The following NPAS3 variants were observed in gnomAD, a reference collection of about 807,000 sequenced individuals.
The protein encoded by NPAS3 is neuronal PAS domain-containing protein 3.
In NPAS3, 14 loss-of-function variants were observed where a neutral mutation model predicts 73.1. That is an observed-to-expected ratio of 0.19 (90% CI 0.13 to 0.30). The LOEUF (loss-of-function observed/expected upper bound fraction) is 0.30, where lower values mean the gene tolerates loss of function less well. Ranked by LOEUF, NPAS3 falls within the 10% of genes least tolerant of loss-of-function variation. The pLI, the probability that NPAS3 is intolerant of heterozygous loss-of-function variation, is 1.00. For synonymous variants in NPAS3, 620 were observed against 541.5 expected (o/e 1.14, Z -2.01); for missense variants, 1,096 against 1,250.0 (o/e 0.88, Z 1.86).
intron 4 of NPAS3, among the ~76,000 whole-genome samples, chr14:33,482,053 G>GTTTTT (rs35267663): frequency 3.7e-4 from 51 of 137,580 alleles, no homozygotes; most frequent in Non-Finnish European, 6.8e-4. Context: ...TCAGAAGCAA[G>GTTTTT]TTTTTTTTTT....
chr14:33,228,567 C>T (rs553325608), intron 3 of NPAS3, among the ~76,000 whole-genome samples: 44 of 152,066 alleles, frequency 2.9e-4, no homozygotes, highest in African/African-American at 9.2e-4. Flanking sequence ...ATCAGGGATC[C>T]GAAATGGGTT....
chr14:33,208,649 A>G (rs558264704), intron 2 of NPAS3, among the ~76,000 whole-genome samples: 21 of 152,122 alleles, frequency 1.4e-4, no homozygotes, highest in Non-Finnish European at 2.6e-4. Flanking sequence ...ATTTTCCTAC[A>G]TGTGGAAAAA....
At chr14:33,252,014 T>C (rs1594513412) in intron 3 of NPAS3, among the ~76,000 whole-genome samples, 2 of 151,786 alleles carry the variant, frequency 1.3e-5, no homozygotes, top group South Asian at 4.2e-4. Context: ...TTATTACTTG[T>C]TGGGTATTAG....
At chr14:33,761,300 T>C (rs1317104062) in intron 7 of NPAS3, among the ~76,000 whole-genome samples, 1 of 152,148 alleles carries the variant, frequency 6.6e-6, no homozygotes, top group Non-Finnish European at 1.5e-5. Flanking sequence ...GGAAAGGAGT[T>C]TCTGTAGAAT....
At chr14:33,409,566 T>A (rs574441366) in intron 4 of NPAS3, among the ~76,000 whole-genome samples, 1 of 152,174 alleles carries the variant, frequency 6.6e-6, no homozygotes, top group South Asian at 2.1e-4. Flanking sequence ...ATAGTATAAT[T>A]AAGTATTTCC....
At chr14:33,565,683 A>G (rs905151945) in intron 5 of NPAS3, among the ~76,000 whole-genome samples, 8 of 152,178 alleles carry the variant, frequency 5.3e-5, no homozygotes, top group Non-Finnish European at 1.2e-4. Context: ...GCATCATGAC[A>G]TCCTAAAGAG....
At chr14:33,034,781 A>G (rs1041224544) in intron 1 of NPAS3, among the ~76,000 whole-genome samples, 1 of 152,096 alleles carries the variant, frequency 6.6e-6, no homozygotes. Flanking sequence ...CAGTGATCTC[A>G]TTTCATAAAT....
At chr14:33,420,142 C>G (rs2048312112) in intron 4 of NPAS3, among the ~76,000 whole-genome samples, 1 of 151,878 alleles carries the variant, frequency 6.6e-6, no homozygotes, top group African/African-American at 2.4e-5. Flanking sequence ...AATAATTAGC[C>G]TTCACTTTGC....
At chr14:33,169,672 CAG>C (rs2045312883) in intron 2 of NPAS3, among the ~76,000 whole-genome samples, 1 of 152,294 alleles carries the variant, frequency 6.6e-6, no homozygotes, top group African/African-American at 2.4e-5. Flanking sequence ...TGATTAATCA[CAG>C]AAATTTAAAA....
intron 4 of NPAS3, among the ~76,000 whole-genome samples, chr14:33,497,235 G>A (rs1299018611): frequency 6.6e-6 from 1 of 152,120 alleles, no homozygotes; most frequent in Admixed American, 6.6e-5. Flanking sequence ...CATGCTCGTG[G>A]ATAGGAAGAA....
At chr14:33,480,196 A>C (rs1326893721) in intron 4 of NPAS3, among the ~76,000 whole-genome samples, 3 of 152,208 alleles carry the variant, frequency 2.0e-5, no homozygotes, top group Non-Finnish European at 4.4e-5. Flanking sequence ...AACACTTCGT[A>C]ACTTTATGCA....
chr14:33,297,547 G>A (rs2042350794), intron 3 of NPAS3, among the ~76,000 whole-genome samples: 1 of 152,116 alleles, frequency 6.6e-6, no homozygotes, highest in Non-Finnish European at 1.5e-5. Flanking sequence ...CACTAAAAAT[G>A]TTGCTCAGTA....
At chr14:33,743,344 G>A (rs2061701898) in intron 7 of NPAS3, among the ~76,000 whole-genome samples, 1 of 152,198 alleles carries the variant, frequency 6.6e-6, no homozygotes, top group African/African-American at 2.4e-5. Flanking sequence ...GTTGCCATTA[G>A]AGTTCTTGGA....
intron 4 of NPAS3, among the ~76,000 whole-genome samples, chr14:33,373,542 T>A (rs190249764): frequency 1.3e-5 from 2 of 152,102 alleles, no homozygotes; most frequent in Non-Finnish European, 2.9e-5. Flanking sequence ...TGGATAAGTA[T>A]AATAAGTACC....
In NPAS3 at chr14:33,237,804, C is replaced by T. The variant is rs532807146; in HGVS notation, c.385+22378C>T. The stretch of plus-strand genomic sequence containing the variant: ...ATAGAACTTAATGCACAGGTATTTA[C>T]ATAAAGAAGATAAGTATATTAAAAT... On this transcript the variant is annotated intron_variant, in intron 3 of 11. Transcript: ENST00000356141. Among the ~76,000 whole-genome samples, 3 of 151,782 alleles carry T rather than the reference C, an allele frequency of 2.0e-5. No homozygotes were observed. The South Asian group carries it at 6.2e-4, about 31-fold the overall frequency.
intron 1 of NPAS3, among the ~76,000 whole-genome samples, chr14:32,983,063 C>T (rs962887563): frequency 1.2e-4 from 19 of 152,066 alleles, no homozygotes; most frequent in African/African-American, 4.6e-4. Context: ...AGAAGAAAAA[C>T]CTATTTCAAT....
chr14:33,517,543 C>T (rs1263031717), intron 4 of NPAS3, among the ~76,000 whole-genome samples: 1 of 151,952 alleles, frequency 6.6e-6, no homozygotes, highest in Non-Finnish European at 1.5e-5. Flanking sequence ...GCTTCAGGTC[C>T]TTTGCTTAGG....
At chr14:33,153,860 T>C (rs1339805761) in intron 2 of NPAS3, among the ~76,000 whole-genome samples, 4 of 152,180 alleles carry the variant, frequency 2.6e-5, no homozygotes, top group African/African-American at 9.6e-5. Flanking sequence ...GTTTCATTGC[T>C]GCTAAATAAA....
At chr14:33,761,199 A>C (rs976471572) in intron 7 of NPAS3, among the ~76,000 whole-genome samples, 5 of 152,218 alleles carry the variant, frequency 3.3e-5, no homozygotes, top group African/African-American at 1.2e-4. Flanking sequence ...TTTGATCCTA[A>C]CACAACTTTT....
Sources: allele counts gnomAD v4.1 joint callset (sites outside exome capture counted in the v4.1 genomes callset), GRCh38; gene constraint gnomAD v4.1.1; transcripts MANE v1.5; gene names NCBI Gene and HGNC (gene_info 2026-07-23, HGNC 2026-07-21).